Variants in ABTB3 observed in about 807,000 individuals in gnomAD.
The protein encoded by ABTB3 is ankyrin repeat and BTB domain containing 3.
chr12:107,429,107 C>G, the ABTB3 span, among the ~76,000 whole-genome samples: 1 of 152,316 alleles, frequency 6.6e-6, no homozygotes, highest in East Asian at 1.9e-4. Context: ...AAGGTTGGGG[C>G]TTGTTTCTCT....
At chr12:107,642,033 G>T in the ABTB3 span, 2 of 1,528,410 alleles carry the variant, frequency 1.3e-6, no homozygotes, top group Non-Finnish European at 1.8e-6. Flanking sequence ...AGAGTTTTTT[G>T]TGAGCCATGG....
At chr12:107,353,828 A>G in the ABTB3 span, among the ~76,000 whole-genome samples, 33 of 152,220 alleles carry the variant, frequency 2.2e-4, no homozygotes, top group Non-Finnish European at 3.2e-4. Flanking sequence ...TGCATTCCCT[A>G]TGAGAATCTA....
the ABTB3 span, among the ~76,000 whole-genome samples, chr12:107,418,661 C>T: frequency 8.2e-3 from 1,241 of 152,248 alleles, 8 homozygotes; most frequent in Non-Finnish European, 0.014. Flanking sequence ...ACTGGGCATC[C>T]GAGAAGGGAG....
At chr12:107,410,443 T>C in the ABTB3 span, among the ~76,000 whole-genome samples, 1 of 151,938 alleles carries the variant, frequency 6.6e-6, no homozygotes, top group Admixed American at 6.6e-5. Flanking sequence ...CAGAAGATGC[T>C]GGGGGATACA....
chr12:107,515,277 G>A, the ABTB3 span, among the ~76,000 whole-genome samples: 1 of 152,166 alleles, frequency 6.6e-6, no homozygotes, highest in East Asian at 1.9e-4. Flanking sequence ...TTGACTTGCT[G>A]CAAATAGTGC....
At chr12:107,374,738 G>C in the ABTB3 span, 2 of 153,094 alleles carry the variant, frequency 1.3e-5, no homozygotes, top group Non-Finnish European at 2.9e-5. Flanking sequence ...GCACCACCCA[G>C]CTGAAACATT....
At chr12:107,350,714 G>A in the ABTB3 span, among the ~76,000 whole-genome samples, 1 of 152,160 alleles carries the variant, frequency 6.6e-6, no homozygotes, top group Non-Finnish European at 1.5e-5. Flanking sequence ...AATGCTGGAG[G>A]AGATTGGGGA....
chr12:107,444,972 G>A, the ABTB3 span, among the ~76,000 whole-genome samples: 7,769 of 152,228 alleles, frequency 0.051, 637 homozygotes, highest in African/African-American at 0.18. Flanking sequence ...AGTCAGGAGA[G>A]GTCCACGTGG....
chr12:107,537,378 T>TGTG, the ABTB3 span, among the ~76,000 whole-genome samples: 1 of 152,096 alleles, frequency 6.6e-6, no homozygotes, highest in Non-Finnish European at 1.5e-5. Context: ...AGAGAGGATT[T>TGTG]TGAATGTTCC....
the ABTB3 span, chr12:107,657,576 T>C: frequency 1.1e-5 from 18 of 1,614,094 alleles, no homozygotes; most frequent in African/African-American, 4.0e-5. Context: ...ATGGTCCTCA[T>C]TGAAAACGAA....
the ABTB3 span, chr12:107,520,710 C>G: frequency 7.0e-6 from 11 of 1,567,924 alleles, no homozygotes; most frequent in Admixed American, 1.7e-5. Context: ...ACACAATGTC[C>G]TCATGCCAAC....
the ABTB3 span, among the ~76,000 whole-genome samples, chr12:107,647,376 G>C: frequency 2.6e-5 from 4 of 151,940 alleles, no homozygotes. Context: ...ACGGTGGTGC[G>C]TGCCTGTAGT....
chr12:107,355,968 T>C, the ABTB3 span, among the ~76,000 whole-genome samples: 2 of 152,272 alleles, frequency 1.3e-5, no homozygotes, highest in African/African-American at 4.8e-5. Context: ...ATTAAAATCA[T>C]CTTTAATATT....
the ABTB3 span, among the ~76,000 whole-genome samples, chr12:107,481,231 G>A: frequency 1.3e-5 from 2 of 152,162 alleles, no homozygotes; most frequent in African/African-American, 4.8e-5. Context: ...CACTGGCCTT[G>A]TATCTTCAGT....
At chr12:107,618,339 C>T in the ABTB3 span, 2 of 1,613,648 alleles carry the variant, frequency 1.2e-6, no homozygotes, top group Non-Finnish European at 1.7e-6. Flanking sequence ...CAGCGCTGAG[C>T]ATGGCTACGT....
chr12:107,497,039 C>G, the ABTB3 span, among the ~76,000 whole-genome samples: 445 of 152,216 alleles, frequency 2.9e-3, 1 homozygote, highest in African/African-American at 9.0e-3. Flanking sequence ...TCATGCCCAC[C>G]ACCTGGAGAT....
the ABTB3 span, among the ~76,000 whole-genome samples, chr12:107,605,256 T>C: frequency 6.6e-6 from 1 of 152,204 alleles, no homozygotes; most frequent in African/African-American, 2.4e-5. Flanking sequence ...GGGTATACAA[T>C]AGACAACAAG....
chr12:107,634,168 CTGTA>C, the ABTB3 span, among the ~76,000 whole-genome samples: 3 of 152,188 alleles, frequency 2.0e-5, no homozygotes, highest in East Asian at 5.8e-4. Context: ...GTATGCCAAG[CTGTA>C]TGCTTCTGCC....
chr12:107,492,386 A>G, the ABTB3 span, among the ~76,000 whole-genome samples: 3 of 151,998 alleles, frequency 2.0e-5, no homozygotes, highest in South Asian at 2.1e-4. Flanking sequence ...TCCTCTCTCC[A>G]TCTCGCAGGT....
Sources: allele counts gnomAD v4.1 joint callset (sites outside exome capture counted in the v4.1 genomes callset), GRCh38; gene constraint gnomAD v4.1.1; transcripts MANE v1.5; gene names NCBI Gene and HGNC (gene_info 2026-07-23, HGNC 2026-07-21).